ZNF385A: variants seen among roughly 807,000 people sequenced by gnomAD.
ZNF385A encodes the protein hematopoietic zinc finger protein.
ZNF385A carries 14 observed loss-of-function variants against 32.1 expected under a neutral mutation model. The ratio of observed to expected loss-of-function variants is 0.44; its 90% CI spans 0.29 to 0.68. The LOEUF (loss-of-function observed/expected upper bound fraction) is 0.68, where lower values mean the gene tolerates loss of function less well. ZNF385A is among the 30% of genes least tolerant of loss of function. ZNF385A has a pLI of 0.14. For missense variants in ZNF385A, 406 were observed against 478.4 expected, an observed-to-expected ratio of 0.85 and a Z score of 1.41; for synonymous variants, 197 against 202.7, an observed-to-expected ratio of 0.97 and a Z score of 0.24.
Position 54,369,188 on chromosome 12 carries a change from A to G in ZNF385A, c.*1068T>C, listed in dbSNP as rs1422050718. The G allele has an allele frequency of 6.6e-6, 1 of 152,134 alleles. No individual in the cohort carries two copies. The highest frequency in any genetic ancestry group is 1.5e-5 in the Non-Finnish European group (1 of 68,046). 9.4% of individuals were successfully genotyped at this position (152,134 alleles called of 1,614,324 possible). A position where few individuals can be genotyped will look rare whatever the true frequency, so the allele number is the denominator to read the frequency against. On this transcript the variant is annotated 3_prime_UTR_variant, in exon 7 of 7. Coordinates refer to ENST00000394313, the MANE Select transcript of ZNF385A (RefSeq NM_015481.3). ...TGTCAGGGAGAGGAAAAAGGGGAGGACCGTGGGTGGGGGGCCTGGGTTGCT... is the reference window on the plus strand; with the variant it reads ...TGTCAGGGAGAGGAAAAAGGGGAGGGCCGTGGGTGGGGGGCCTGGGTTGCT...
In ZNF385A at chr12:54,390,856, G is replaced by A. The variant is rs1345899424; in HGVS notation, c.10+379C>T. ...AGCTAAGGGTGGGGGAAGACGCTGGGGCGGGAGACGGGTCAGAACCTTTCC... is the reference window on the plus strand; with the variant it reads ...AGCTAAGGGTGGGGGAAGACGCTGGAGCGGGAGACGGGTCAGAACCTTTCC... On this transcript the variant is annotated intron_variant, in intron 1 of 7. Coordinates refer to the ZNF385A transcript ENST00000338010. 4.6e-5 allele frequency among the ~76,000 whole-genome samples: 7 copies of A among 152,070 alleles called. No individual in the cohort carries two copies. In the East Asian group the frequency reaches 1.4e-3, roughly 29 times the overall value.
At chr12:54,375,613 G>C (rs550859298) in intron 2 of ZNF385A, among the ~76,000 whole-genome samples, 241 of 152,166 alleles carry the variant, frequency 1.6e-3, no homozygotes, top group Non-Finnish European at 2.6e-3. Flanking sequence ...CAACTTTAGA[G>C]GACTGATCTA....
intron 1 of ZNF385A, among the ~76,000 whole-genome samples, chr12:54,377,547 G>C (rs1954911636): frequency 6.6e-6 from 1 of 152,150 alleles, no homozygotes; most frequent in Non-Finnish European, 1.5e-5. Context: ...TGCGTCGGGG[G>C]CTTTGATGGC....
intron 1 of ZNF385A, among the ~76,000 whole-genome samples, chr12:54,382,996 T>G (rs532331097): frequency 1.3e-5 from 2 of 152,136 alleles, no homozygotes; most frequent in Non-Finnish European, 2.9e-5. Flanking sequence ...ACCCCATCTC[T>G]ACTAAAAATA....
upstream of ZNF385A, chr12:54,385,594 C>A (rs369528873): frequency 1.0e-6 from 1 of 977,764 alleles, no homozygotes; most frequent in South Asian, 4.7e-5. Context: ...GTGCTTGGCC[C>A]GTCCTCCCTT....
intron 1 of ZNF385A, 76 bp from the exon 2 acceptor site, chr12:54,376,030 T>G: frequency 1.6e-6 from 2 of 1,256,110 alleles, no homozygotes; most frequent in East Asian, 4.7e-5. Flanking sequence ...CAGATATCTG[T>G]GTTGAACCAA....
At chr12:54,376,022 G>T in intron 1 of ZNF385A, 68 bp from the exon 2 acceptor site, 1 of 1,342,520 alleles carries the variant, frequency 7.4e-7, no homozygotes, top group Admixed American at 1.7e-5. Flanking sequence ...CCCCAACACA[G>T]ATATCTGTGT....
At chr12:54,377,928 T>C (rs1954930306) in intron 1 of ZNF385A, among the ~76,000 whole-genome samples, 1 of 152,180 alleles carries the variant, frequency 6.6e-6, no homozygotes, top group African/African-American at 2.4e-5. Flanking sequence ...CATGCCAGCC[T>C]GCTCTCCAGA....
At position 54,371,036 on chromosome 12, in the gene ZNF385A, G is replaced by C; in HGVS notation, c.665C>G (p.Pro222Arg). The change falls in exon 5 of 7, where the codon CCT (proline) becomes CGT (arginine). Residue 222 changes from proline to arginine, a missense_variant. Physicochemically the swap from Pro to Arg is moderately radical, Grantham distance 103 (BLOSUM62 -2). Transcript: ENST00000394313. Reference sequence around the variant, plus strand: ...CCCCGGGGTGGGAGGCCCCAGCCGAGGGTAAGCTTTGATGGGCCCGAGCCC... The same window carrying C: ...CCCCGGGGTGGGAGGCCCCAGCCGACGGTAAGCTTTGATGGGCCCGAGCCC... ...RSGLGPIKAY[P>R]RLGPPTPGEP... 6.2e-7 allele frequency: 1 copy of C among 1,614,188 alleles called. No homozygotes were observed. Among genetic ancestry groups the C allele is most frequent in the Non-Finnish European group, 8.5e-7 (1 of 1,180,010 alleles).
chr12:54,370,641 G>T lies in ZNF385A; in HGVS notation c.855C>A (p.Gly285=). ...CAGGCCTCACCGCCAGCTCCCCGGC[G>T]CCCCTAGACTTCTTGTGACGGCTCA... ...PLLSRHKKSR[G]AGELAGTLTF... Residue 285 remains glycine (G), a synonymous_variant, in exon 6 of 7, where the codon GGC becomes GGA. Transcript: ENST00000394313. The surrounding 1 kb of genome is among the most constrained non-coding windows in gnomAD (Gnocchi z 5.5). The T allele has an allele frequency of 6.2e-7, 1 of 1,602,908 alleles. No homozygotes were observed. Among genetic ancestry groups the T allele is most frequent in the Non-Finnish European group, 8.5e-7 (1 of 1,175,404 alleles).
chr12:54,373,934 CAG>C (rs1954696417), intron 3 of ZNF385A, 37 bp downstream of exon 3: 2 of 1,431,564 alleles, frequency 1.4e-6, no homozygotes, highest in African/African-American at 1.4e-5. Flanking sequence ...ATAGAGAAGA[CAG>C]AGATCAGTTG....
chr12:54,380,088 G>A (rs922813499), intron 1 of ZNF385A, among the ~76,000 whole-genome samples: 6 of 152,350 alleles, frequency 3.9e-5, no homozygotes, highest in African/African-American at 1.4e-4. Flanking sequence ...AGTGGAGTGA[G>A]TGGGAGGAGA....
At chr12:54,389,461 G>A (rs577310094), upstream of ZNF385A, among the ~76,000 whole-genome samples, 8 of 152,320 alleles carry the variant, frequency 5.3e-5, no homozygotes, top group African/African-American at 1.7e-4. Flanking sequence ...TTGGCATAAG[G>A]AGGGAATTAA....
In ZNF385A at chr12:54,384,685, A is replaced by G. The variant is rs1431024548; in HGVS notation, c.-171T>C. 5.0e-6 allele frequency: 7 copies of G among 1,398,858 alleles called. No individual in the cohort carries two copies. The African/African-American group carries it at 8.9e-5, about 18-fold the overall frequency. The allele number at this position is 1,398,858 out of a possible 1,614,324, so 86.7% of individuals were successfully genotyped here. The stretch of plus-strand genomic sequence containing the variant: ...CACTCAGAAGTGTCACCCTCAGTGC[A>G]CATAGTGTACACACTTCCCCTGCTG... On this transcript the variant is annotated 5_prime_UTR_variant, in exon 1 of 7. Transcript: ENST00000394313.
chr12:54,385,976 C>T (rs1955462411), upstream of ZNF385A, among the ~76,000 whole-genome samples: 1 of 151,910 alleles, frequency 6.6e-6, no homozygotes, highest in Admixed American at 6.6e-5. Flanking sequence ...TCTCTTTCAC[C>T]CCATGCCAGG....
In ZNF385A at chr12:54,370,141, G is replaced by GC. The variant is rs1954440187; in HGVS notation, c.*114_*115insG. Reference sequence around the variant, plus strand: ...CTGGAACCCCGTATCTCGGGGTGGGGGGGGGGAAGGAGAGATCATTTAGGG... The same window carrying GC: ...CTGGAACCCCGTATCTCGGGGTGGGGCGGGGGGAAGGAGAGATCATTTAGGG... On this transcript the variant is annotated 3_prime_UTR_variant, in exon 7 of 7. Transcript: ENST00000394313. The surrounding 1 kb of genome is among the most constrained non-coding windows in gnomAD (Gnocchi z 5.5). 3 of 789,722 alleles carry GC rather than the reference G, an allele frequency of 3.8e-6. No homozygotes were observed. The African/African-American group carries it at 5.6e-5, about 15-fold the overall frequency. 48.9% of individuals were successfully genotyped at this position (789,722 alleles called of 1,614,324 possible). A position where few individuals can be genotyped will look rare whatever the true frequency, so the allele number is the denominator to read the frequency against.
Position 54,371,034 on chromosome 12 carries a change from G to A in ZNF385A, c.667C>T (p.Arg223Trp), listed in dbSNP as rs1312829489. 1.2e-6 allele frequency: 2 copies of A among 1,614,194 alleles called. No homozygotes were observed. Among genetic ancestry groups the A allele is most frequent in the Admixed American group, 1.7e-5 (1 of 60,012 alleles). Residue 223 changes from arginine to tryptophan, a missense_variant, in exon 5 of 7, where the codon CGG (arginine) becomes TGG (tryptophan). Physicochemically the swap from Arg to Trp is moderately radical, Grantham distance 101. Transcript: ENST00000394313. Reference protein sequence around the residue: ...SGLGPIKAYPRLGPPTPGEPE... With the variant: ...SGLGPIKAYPWLGPPTPGEPE... ...TCCCCCGGGGTGGGAGGCCCCAGCC[G>A]AGGGTAAGCTTTGATGGGCCCGAGC... is the stretch of plus-strand genomic sequence containing the variant.
intron 2 of ZNF385A, among the ~76,000 whole-genome samples, chr12:54,374,766 G>A (rs1252431398): frequency 6.6e-6 from 1 of 152,120 alleles, no homozygotes; most frequent in Non-Finnish European, 1.5e-5. Flanking sequence ...CAAAAAGTGG[G>A]AAGGGCTATC....
At chr12:54,390,283 G>A (rs1027324747) in intron 1 of ZNF385A, among the ~76,000 whole-genome samples, 5 of 152,136 alleles carry the variant, frequency 3.3e-5, no homozygotes, top group African/African-American at 9.6e-5. Flanking sequence ...TGGAGGGCAG[G>A]GGCATGCAGC....
Sources: gnomAD v4.1 joint callset for allele counts (sites outside exome capture counted in the v4.1 genomes callset) on GRCh38, gnomAD v4.1.1 for gene constraint, Gnocchi (gnomAD v3.1) non-coding constraint, MANE v1.5 for transcripts, NCBI Gene and HGNC (gene_info 2026-07-23, HGNC 2026-07-21) for gene names.